PPP1R9A: variants seen among roughly 807,000 people sequenced by gnomAD.
The protein encoded by PPP1R9A is neurabin-1.
PPP1R9A carries 59 observed loss-of-function variants against 141.9 expected under a neutral mutation model. The observed-to-expected ratio is 0.42, with a 90% CI of 0.34 to 0.52. The LOEUF (loss-of-function observed/expected upper bound fraction) is 0.52. Among genes scored for constraint, PPP1R9A ranks in the 20% least tolerant of loss-of-function variants. The pLI is 0.10. For synonymous variants in PPP1R9A, 500 were observed against 569.7 expected (o/e 0.88, Z 1.74); for missense variants, 1,444 against 1,611.9 (o/e 0.90, Z 1.78).
rs192541853 is a variant in PPP1R9A, at chr7:95,190,941, A to T, written c.1755-7408A>T. On this transcript the variant is annotated intron_variant, in intron 5 of 19. Coordinates refer to ENST00000433360, the MANE Select transcript of PPP1R9A (RefSeq NM_001166160.2). ...TTAATTCCACATTGAGAGTTTTTAA[A>T]TTTCAGCATTGAATAAGTGCCATTT... is the stretch of plus-strand genomic sequence containing the variant. 3.2e-4 allele frequency among the ~76,000 whole-genome samples: 48 copies of T among 152,282 alleles called. 1 individual carries two copies. The East Asian group carries it at 7.7e-3, about 24-fold the overall frequency.
chr7:94,944,560 T>C (rs918885754), intron 2 of PPP1R9A, among the ~76,000 whole-genome samples: 5 of 151,918 alleles, frequency 3.3e-5, no homozygotes, highest in Non-Finnish European at 7.4e-5. Context: ...ACCTCGTTTC[T>C]TATAAAACTG....
intron 2 of PPP1R9A, among the ~76,000 whole-genome samples, chr7:94,930,332 G>T (rs575809086): frequency 1.8e-4 from 28 of 152,124 alleles, no homozygotes; most frequent in Non-Finnish European, 3.2e-4. Context: ...CATAAAGGTT[G>T]CTAAACATTT....
chr7:95,028,322 A>G (rs1342546027), intron 2 of PPP1R9A, among the ~76,000 whole-genome samples: 2 of 152,210 alleles, frequency 1.3e-5, no homozygotes, highest in African/African-American at 4.8e-5. Context: ...AACTCAGCCT[A>G]GAATAACTGA....
intron 2 of PPP1R9A, among the ~76,000 whole-genome samples, chr7:94,980,376 TTATA>T (rs1317933120): frequency 6.6e-6 from 1 of 152,080 alleles, no homozygotes; most frequent in Non-Finnish European, 1.5e-5. Context: ...AATATTACAG[TTATA>T]TATATAAAAT....
intron 2 of PPP1R9A, among the ~76,000 whole-genome samples, chr7:94,966,774 T>C (rs1288300968): frequency 6.6e-6 from 1 of 152,148 alleles, no homozygotes; most frequent in Non-Finnish European, 1.5e-5. Flanking sequence ...GCCTGAAATG[T>C]TCTTTTTTTA....
chr7:95,173,732 G>A (rs971739991), intron 5 of PPP1R9A, among the ~76,000 whole-genome samples: 4 of 152,000 alleles, frequency 2.6e-5, no homozygotes, highest in Non-Finnish European at 5.9e-5. Flanking sequence ...TAAAGAGACA[G>A]TTCATCAAAG....
chr7:95,264,593 G>A (rs1002390914), intron 12 of PPP1R9A, among the ~76,000 whole-genome samples: 1 of 152,174 alleles, frequency 6.6e-6, no homozygotes, highest in East Asian at 1.9e-4. Context: ...CCAATTTGTA[G>A]CAGTATTGAA....
chr7:94,921,731 G>C (rs1050097803), intron 2 of PPP1R9A, among the ~76,000 whole-genome samples: 10 of 151,960 alleles, frequency 6.6e-5, no homozygotes, highest in Admixed American at 1.3e-4. Flanking sequence ...TTATTCTGTA[G>C]GTGGAATAAT....
chr7:95,133,308 G>A (rs1429028310), intron 4 of PPP1R9A, among the ~76,000 whole-genome samples: 1 of 151,998 alleles, frequency 6.6e-6, no homozygotes, highest in Non-Finnish European at 1.5e-5. Flanking sequence ...TCTTTGGCTT[G>A]TAGGTCGGGT....
intron 2 of PPP1R9A, among the ~76,000 whole-genome samples, chr7:95,092,796 T>TA (rs1817535999): frequency 6.6e-6 from 1 of 152,238 alleles, no homozygotes. Flanking sequence ...AGTCATCTAA[T>TA]ATTGGAGGAT....
At chr7:94,909,785 C>T in intron 1 of PPP1R9A, 113 bp from the exon 2 acceptor site, 2 of 162,886 alleles carry the variant, frequency 1.2e-5, no homozygotes, top group Admixed American at 6.2e-5. Context: ...AATGAGTAAT[C>T]TCTTCTGTTT....
chr7:95,137,559 G>A (rs1402968240), intron 4 of PPP1R9A, among the ~76,000 whole-genome samples: 3 of 152,124 alleles, frequency 2.0e-5, no homozygotes, highest in Admixed American at 2.0e-4. Context: ...AGGATATTTG[G>A]CAGGTAAATA....
At chr7:95,146,048 A>G (rs1322633376) in intron 4 of PPP1R9A, among the ~76,000 whole-genome samples, 2 of 152,158 alleles carry the variant, frequency 1.3e-5, no homozygotes, top group African/African-American at 2.4e-5. Flanking sequence ...TGGCATTTCT[A>G]GTTCTAGATC....
Position 95,061,552 on chromosome 7 carries a change from G to A in PPP1R9A, c.1396-49707G>A, listed in dbSNP as rs374064092. ...AGAGTTTGAGACCAGGCTGGGCAACGTAGGGAGACTCCATCTCTACAAAAA... is the reference window on the plus strand; with the variant it reads ...AGAGTTTGAGACCAGGCTGGGCAACATAGGGAGACTCCATCTCTACAAAAA... On this transcript the variant is annotated intron_variant, in intron 2 of 19. Transcript: ENST00000433360. Among the ~76,000 whole-genome samples, 49 of 152,052 alleles carry A rather than the reference G, an allele frequency of 3.2e-4. 1 individual carries two copies. Among genetic ancestry groups the A allele is most frequent in the Admixed American group, 2.9e-3 (45 of 15,264 alleles).
At chr7:95,088,184 G>C (rs1433345697) in intron 2 of PPP1R9A, among the ~76,000 whole-genome samples, 1 of 151,982 alleles carries the variant, frequency 6.6e-6, no homozygotes, top group Non-Finnish European at 1.5e-5. Context: ...GGTATGATTA[G>C]AGTGGTACTT....
At chr7:94,983,539 C>T (rs933000157) in intron 2 of PPP1R9A, among the ~76,000 whole-genome samples, 3 of 152,010 alleles carry the variant, frequency 2.0e-5, no homozygotes, top group Non-Finnish European at 2.9e-5. Flanking sequence ...TTGAAGAGGT[C>T]GTTCACATCC....
At chr7:95,254,220 G>A (rs149255844) in intron 12 of PPP1R9A, among the ~76,000 whole-genome samples, 1 of 152,262 alleles carries the variant, frequency 6.6e-6, no homozygotes, top group East Asian at 1.9e-4. Flanking sequence ...TCAGACATTA[G>A]TAGCATACAT....
chr7:95,281,639 A>C (rs1260401696), intron 16 of PPP1R9A, among the ~76,000 whole-genome samples: 1 of 152,224 alleles, frequency 6.6e-6, no homozygotes, highest in African/African-American at 2.4e-5. Flanking sequence ...GACTACCAAA[A>C]GTCCTTTTCA....
Position 95,269,179 on chromosome 7 carries a change from C to A in PPP1R9A, c.2824-28C>A, listed in dbSNP as rs779819963. ...ATAGAACTGATACTCAGTGGCATAA[C>A]CTTCCTTATAATCTCTTATACCAAC... On this transcript the variant is annotated intron_variant, in intron 13 of 19. Transcript: ENST00000433360. The A allele has an allele frequency of 6.0e-6, 9 of 1,490,160 alleles. No individual in the cohort carries two copies. The Admixed American group carries it at 1.3e-4, about 22-fold the overall frequency. The allele number at this position is 1,490,160 out of a possible 1,614,324, so 92.3% of individuals were successfully genotyped here. A position where few individuals can be genotyped will look rare whatever the true frequency, so the allele number is the denominator to read the frequency against.
Sources: gnomAD v4.1 joint callset for allele counts (sites outside exome capture counted in the v4.1 genomes callset) on GRCh38, gnomAD v4.1.1 for gene constraint, MANE v1.5 for transcripts, NCBI Gene and HGNC (gene_info 2026-07-23, HGNC 2026-07-21) for gene names.